The following MSI2 variants were observed in gnomAD, a reference collection of about 807,000 sequenced individuals.
The protein encoded by MSI2 is RNA-binding protein Musashi homolog 2.
MSI2 carries 17 observed loss-of-function variants against 45.6 expected under a neutral mutation model. The ratio of observed to expected loss-of-function variants is 0.37; its 90% CI spans 0.26 to 0.56. MSI2 has a LOEUF of 0.56. MSI2 is among the 20% of genes least tolerant of loss of function. The pLI, the probability that MSI2 is intolerant of heterozygous loss-of-function variation, is 0.77. For missense variants in MSI2, 293 were observed against 444.2 expected, an observed-to-expected ratio of 0.66 and a Z score of 3.06; for synonymous variants, 156 against 158.2, an observed-to-expected ratio of 0.99 and a Z score of 0.11.
chr17:57,423,804 G>A (rs1388257829), intron 6 of MSI2, among the ~76,000 whole-genome samples: 8 of 152,074 alleles, frequency 5.3e-5, no homozygotes, highest in Non-Finnish European at 5.9e-5. Context: ...CTTTCTTTGC[G>A]AAGCTGGAGC....
Position 57,377,155 on chromosome 17 carries a change from T to C in MSI2, c.313-24224T>C, listed in dbSNP as rs1031555910. On this transcript the variant is annotated intron_variant, in intron 5 of 13. Coordinates refer to ENST00000284073, the MANE Select transcript of MSI2 (RefSeq NM_138962.4). ...CAGGATGGTCTCGATCTCCTGACCT[T>C]GTGATCTGCCCACCTTGGCCTCCCA... is the stretch of plus-strand genomic sequence containing the variant. Among the ~76,000 whole-genome samples the C allele has an allele frequency of 3.9e-5, 6 of 152,142 alleles. No homozygotes were observed. The East Asian group carries it at 5.8e-4, about 15-fold the overall frequency.
chr17:57,318,982 G>A (rs1259778849), intron 5 of MSI2, among the ~76,000 whole-genome samples: 3 of 152,298 alleles, frequency 2.0e-5, no homozygotes, highest in East Asian at 1.9e-4. Flanking sequence ...GCCAGCCCAG[G>A]CCCCCTGCCT....
At chr17:57,603,079 C>T (rs1261060420) in intron 8 of MSI2, among the ~76,000 whole-genome samples, 1 of 152,198 alleles carries the variant, frequency 6.6e-6, no homozygotes, top group Non-Finnish European at 1.5e-5. Context: ...CCAGGCCTGG[C>T]ACCTGGACCT....
At chr17:57,473,181 C>T (rs571032095) in intron 6 of MSI2, among the ~76,000 whole-genome samples, 7 of 152,364 alleles carry the variant, frequency 4.6e-5, no homozygotes, top group Admixed American at 3.3e-4. Context: ...TGAGCCACCG[C>T]GCCTGGCCTT....
rs535885139 is a variant in MSI2 at position 57,356,534 on chromosome 17, G to A, written c.313-44845G>A. The stretch of plus-strand genomic sequence containing the variant: ...GCAAGATCCCCCCTCCCCCAAAGAC[G>A]AAAACACACAAAACTTAATGCATTG... On this transcript the variant is annotated intron_variant, in intron 5 of 13. Coordinates refer to ENST00000284073, the MANE Select transcript of MSI2 (RefSeq NM_138962.4). Among the ~76,000 whole-genome samples, 23 of 152,226 alleles carry A rather than the reference G, an allele frequency of 1.5e-4. 1 individual carries two copies. The South Asian group carries it at 2.3e-3, about 15-fold the overall frequency.
At chr17:57,510,850 T>C (rs11079307) in intron 6 of MSI2, among the ~76,000 whole-genome samples, 20,293 of 152,212 alleles carry the variant, frequency 0.13, 1,535 homozygotes, top group African/African-American at 0.19. Context: ...TTCTCTGGCT[T>C]TAGTCCATGG....
intron 10 of MSI2, among the ~76,000 whole-genome samples, chr17:57,633,875 GT>G (rs1909623871): frequency 6.6e-6 from 1 of 152,216 alleles, no homozygotes; most frequent in African/African-American, 2.4e-5. Flanking sequence ...CTCCAGAGTG[GT>G]TTTCCCATTT....
At chr17:57,415,809 C>T (rs559434426) in intron 6 of MSI2, among the ~76,000 whole-genome samples, 57 of 152,128 alleles carry the variant, frequency 3.7e-4, no homozygotes, top group Non-Finnish European at 6.8e-4. Context: ...CCAGCCTCTG[C>T]CCCCACCCCT....
intron 7 of MSI2, among the ~76,000 whole-genome samples, chr17:57,541,915 T>C (rs566478408): frequency 6.6e-6 from 1 of 152,328 alleles, no homozygotes; most frequent in South Asian, 2.1e-4. Flanking sequence ...CGTTGGTGCC[T>C]GCGTTCTAGC....
Position 57,572,084 on chromosome 17 carries a change from G to A in MSI2, c.455-24784G>A, listed in dbSNP as rs78087245. On this transcript the variant is annotated intron_variant, in intron 7 of 13. Transcript: ENST00000284073. ...GTGCCAAAGAGTAAATCAATGGATC[G>A]TAGCCAAGTCAGGACAGGTGACCCT... Among the ~76,000 whole-genome samples the A allele has an allele frequency of 8.6e-3, 1,313 of 152,314 alleles. 9 individuals are homozygous for A. The highest frequency in any genetic ancestry group is 0.014 in the Middle Eastern group (4 of 294).
At chr17:57,689,131 C>A (rs950471204), downstream of MSI2, among the ~76,000 whole-genome samples, 1 of 151,668 alleles carries the variant, frequency 6.6e-6, no homozygotes, top group African/African-American at 2.4e-5. Flanking sequence ...AATACAAGAA[C>A]GTCTGGGAAG....
intron 6 of MSI2, among the ~76,000 whole-genome samples, chr17:57,453,629 G>T (rs1035777735): frequency 2.6e-5 from 4 of 152,170 alleles, no homozygotes; most frequent in African/African-American, 9.7e-5. Flanking sequence ...TATACCTTGT[G>T]CCGGGCACGC....
intron 5 of MSI2, among the ~76,000 whole-genome samples, chr17:57,377,945 T>G (rs1488054635): frequency 6.6e-5 from 10 of 151,892 alleles, no homozygotes; most frequent in Admixed American, 6.6e-4. Flanking sequence ...CGTGGTGGTG[T>G]GCACCTGTAG....
intron 6 of MSI2, among the ~76,000 whole-genome samples, chr17:57,415,741 C>G (rs984399426): frequency 2.6e-5 from 4 of 152,018 alleles, no homozygotes; most frequent in Non-Finnish European, 4.4e-5. Flanking sequence ...CCTTAATCTG[C>G]ACAAAGCCCT....
At chr17:57,457,453 G>T (rs1248201045) in intron 6 of MSI2, among the ~76,000 whole-genome samples, 1 of 152,176 alleles carries the variant, frequency 6.6e-6, no homozygotes, top group Non-Finnish European at 1.5e-5. Context: ...GCTGGTTAAG[G>T]TAGGTAATGA....
chr17:57,479,232 A>G (rs2085601410), intron 6 of MSI2, among the ~76,000 whole-genome samples: 1 of 152,208 alleles, frequency 6.6e-6, no homozygotes, highest in Non-Finnish European at 1.5e-5. Flanking sequence ...CACAGTTTCA[A>G]GCCATTTTTT....
downstream of MSI2, among the ~76,000 whole-genome samples, chr17:57,689,188 T>TA (rs56033358): frequency 0.41 from 63,046 of 151,950 alleles, 13,991 homozygotes; most frequent in African/African-American, 0.56. Context: ...TCTTTTTTTT[T>TA]AATTGTACTT....
At chr17:57,650,026 C>G (rs895204568) in intron 10 of MSI2, among the ~76,000 whole-genome samples, 1 of 152,186 alleles carries the variant, frequency 6.6e-6, no homozygotes, top group Non-Finnish European at 1.5e-5. Context: ...CAGCCCTCAG[C>G]AGTGTCTGAT....
At position 57,680,345 on chromosome 17, in the gene MSI2, T is replaced by C. The variant is rs1348288875; in HGVS notation, c.*828T>C. ...GAAATTGTGAATTCTAAAAAAGAAA[T>C]GTTGTAAATACAATTCCATTAACTA... On this transcript the variant is annotated 3_prime_UTR_variant, in exon 14 of 14. Coordinates refer to ENST00000284073, the MANE Select transcript of MSI2 (RefSeq NM_138962.4). The C allele has an allele frequency of 4.4e-6, 1 of 226,286 alleles. No homozygotes were observed. The highest frequency in any genetic ancestry group is 5.7e-5 in the Admixed American group (1 of 17,524). 14.0% of individuals were successfully genotyped at this position (226,286 alleles called of 1,614,324 possible). A position where few individuals can be genotyped will look rare whatever the true frequency, so the allele number is the denominator to read the frequency against.
Sources: allele counts gnomAD v4.1 joint callset (sites outside exome capture counted in the v4.1 genomes callset), GRCh38; gene constraint gnomAD v4.1.1; transcripts MANE v1.5; gene names NCBI Gene and HGNC (gene_info 2026-07-23, HGNC 2026-07-21).